Variants in TMEM39A observed in about 807,000 individuals in gnomAD.
TMEM39A encodes the protein transmembrane protein 39A.
A neutral mutation model predicts 51.9 loss-of-function variants in TMEM39A; 19 were observed. The ratio of observed to expected loss-of-function variants is 0.37; its 90% CI spans 0.26 to 0.54. TMEM39A has a LOEUF of 0.54. TMEM39A is among the 20% of genes least tolerant of loss of function. The pLI is 0.88. For missense variants in TMEM39A, 433 were observed against 590.5 expected (o/e 0.73, Z 2.76); for synonymous variants, 197 against 220.2 (o/e 0.89, Z 0.93).
At position 119,431,354 on chromosome 3, in the gene TMEM39A, A is replaced by C. The variant is rs1383375521; in HGVS notation, c.*627T>G. The C allele has an allele frequency of 6.6e-6, 1 of 152,222 alleles. No individual in the cohort carries two copies. The allele number at this position is 152,222 out of a possible 1,614,324, so 9.4% of individuals were successfully genotyped here. A position where few individuals can be genotyped will look rare whatever the true frequency, so the allele number is the denominator to read the frequency against. On this transcript the variant is annotated 3_prime_UTR_variant, in exon 9 of 9. Transcript: ENST00000319172. ...GGAAGCAGAAGTGGAAACACAGGAA[A>C]AGTGGCAGCAAAACCCTCAGCCTCA...
intron 4 of TMEM39A, among the ~76,000 whole-genome samples, chr3:119,449,332 G>T (rs1250561906): frequency 6.6e-6 from 1 of 152,182 alleles, no homozygotes; most frequent in Non-Finnish European, 1.5e-5. Flanking sequence ...CCAGCACTTT[G>T]GGAGGCAGAG....
At chr3:119,457,979 T>G in intron 3 of TMEM39A, 39 bp downstream of exon 3, 1 of 1,479,844 alleles carries the variant, frequency 6.8e-7, no homozygotes, top group Non-Finnish European at 9.4e-7. Context: ...GTTTCTTGGG[T>G]AAGTAACATG....
intron 5 of TMEM39A, among the ~76,000 whole-genome samples, chr3:119,445,241 A>AATTTT (rs1186460832): frequency 1.7e-4 from 26 of 152,154 alleles, no homozygotes; most frequent in South Asian, 2.1e-4. Context: ...AAGATTTGGG[A>AATTTT]ATTTTATTTT....
At position 119,438,088 on chromosome 3, in the gene TMEM39A, A is replaced by G; in HGVS notation, c.591T>C (p.Val197=). Residue 197 remains valine (V), a synonymous_variant, in exon 6 of 9, where the codon GTT becomes GTC. Transcript: ENST00000319172. The part of the protein sequence containing the change: ...LFLGYPFGVY[V]PLCCFHQDSR... ...TATCTTGATGAAAACAGCAAAGAGGAACATAAACACCAAACCTGTAAAACA... is the reference window on the plus strand; with the variant it reads ...TATCTTGATGAAAACAGCAAAGAGGGACATAAACACCAAACCTGTAAAACA... The G allele has an allele frequency of 6.3e-7, 1 of 1,588,652 alleles. No individual in the cohort carries two copies. Among genetic ancestry groups the G allele is most frequent in the South Asian group, 1.1e-5 (1 of 90,382 alleles).
chr3:119,460,903 T>C (rs2081327665), intron 2 of TMEM39A, among the ~76,000 whole-genome samples: 1 of 152,234 alleles, frequency 6.6e-6, no homozygotes, highest in Non-Finnish European at 1.5e-5. Context: ...CTATATTAGA[T>C]AGTACCTTTC....
At chr3:119,460,518 G>C (rs768562107) in intron 2 of TMEM39A, among the ~76,000 whole-genome samples, 4 of 152,066 alleles carry the variant, frequency 2.6e-5, no homozygotes, top group Non-Finnish European at 5.9e-5. Context: ...AGGAAAATGA[G>C]TCAGTCTAAT....
chr3:119,432,314 T>C, intron 8 of TMEM39A, 100 bp from the exon 9 acceptor site: 1 of 761,442 alleles, frequency 1.3e-6, no homozygotes. Flanking sequence ...CATTTACAGG[T>C]TCCCATATAT....
At chr3:119,446,024 C>G (rs535544055) in intron 5 of TMEM39A, among the ~76,000 whole-genome samples, 7 of 152,126 alleles carry the variant, frequency 4.6e-5, no homozygotes, top group Non-Finnish European at 8.8e-5. Flanking sequence ...ATGTTTTTTC[C>G]TATACTATAT....
At position 119,463,437 on chromosome 3, in the gene TMEM39A, C is replaced by G; in HGVS notation, c.-176G>C. The G allele has an allele frequency of 2.5e-6, 1 of 396,032 alleles. No homozygotes were observed. Among genetic ancestry groups the G allele is most frequent in the East Asian group, 3.6e-5 (1 of 27,972 alleles). 24.5% of individuals were successfully genotyped at this position (396,032 alleles called of 1,614,324 possible). On this transcript the variant is annotated 5_prime_UTR_variant, in exon 1 of 9. Transcript: ENST00000319172. ...GGAACTCCCTCCCAGCGTTGGAACG[C>G]TGCAAACCAGCTGCTTGGACGCAGG...
Position 119,463,502 on chromosome 3 carries a change from T to C in TMEM39A, c.-241A>G. The C allele has an allele frequency of 2.5e-6, 1 of 398,786 alleles. No homozygotes were observed. Among genetic ancestry groups the C allele is most frequent in the Non-Finnish European group, 4.4e-6 (1 of 226,208 alleles). 24.7% of individuals were successfully genotyped at this position (398,786 alleles called of 1,614,324 possible). On this transcript the variant is annotated 5_prime_UTR_variant, in exon 1 of 9. Coordinates refer to ENST00000319172, the MANE Select transcript of TMEM39A (RefSeq NM_018266.3). ...AGAATCAAGAAAAGGTGTCCAGGCT[T>C]CGGGCTGCCAGACTCAGACCCAGAC...
chr3:119,457,103 T>C (rs2081275773), intron 3 of TMEM39A, among the ~76,000 whole-genome samples: 1 of 151,986 alleles, frequency 6.6e-6, no homozygotes, highest in Non-Finnish European at 1.5e-5. Flanking sequence ...CCCAAGTAGC[T>C]GGGACTACAG....
At chr3:119,440,321 T>C (rs923236236) in intron 5 of TMEM39A, among the ~76,000 whole-genome samples, 9 of 152,352 alleles carry the variant, frequency 5.9e-5, no homozygotes, top group Middle Eastern at 3.4e-3. Flanking sequence ...TACTGGGCTC[T>C]ACAATGGAGG....
At chr3:119,451,684 G>T (rs545635513) in intron 4 of TMEM39A, among the ~76,000 whole-genome samples, 110 of 152,048 alleles carry the variant, frequency 7.2e-4, no homozygotes, top group African/African-American at 2.5e-3. Context: ...TACAAAATTA[G>T]CCAGGCGTGG....
At chr3:119,456,540 T>C (rs2107687695) in intron 3 of TMEM39A, among the ~76,000 whole-genome samples, 1 of 152,350 alleles carries the variant, frequency 6.6e-6, no homozygotes, top group Middle Eastern at 3.4e-3. Context: ...CTAATCTTTA[T>C]TAGTCCCAAA....
intron 7 of TMEM39A, 81 bp downstream of exon 7, chr3:119,436,710 C>T (rs1310663610): frequency 1.4e-6 from 2 of 1,421,706 alleles, no homozygotes; most frequent in Non-Finnish European, 1.9e-6. Context: ...AAGCCAAGAA[C>T]AAGAATGACA....
intron 5 of TMEM39A, among the ~76,000 whole-genome samples, chr3:119,439,800 C>T (rs992043705): frequency 6.6e-6 from 1 of 151,724 alleles, no homozygotes. Context: ...CAAGGTCTTA[C>T]TCTGTCACCC....
intron 2 of TMEM39A, 42 bp from the exon 3 acceptor site, chr3:119,458,282 C>T (rs1577066501): frequency 6.5e-7 from 1 of 1,546,322 alleles, no homozygotes; most frequent in East Asian, 2.2e-5. Context: ...GTGATAACCT[C>T]CAGTATCACA....
chr3:119,444,970 C>T (rs1325494572), intron 5 of TMEM39A, among the ~76,000 whole-genome samples: 1 of 152,060 alleles, frequency 6.6e-6, no homozygotes, highest in Non-Finnish European at 1.5e-5. Context: ...GTCCCAACTA[C>T]TTGGGAGGCT....
Position 119,463,523 on chromosome 3 carries a change from C to T in TMEM39A, c.-262G>A, listed in dbSNP as rs1442521253. The T allele has an allele frequency of 2.5e-6, 1 of 398,816 alleles. No homozygotes were observed. The highest frequency in any genetic ancestry group is 3.6e-5 in the East Asian group (1 of 28,096). The allele number at this position is 398,816 out of a possible 1,614,324, so 24.7% of individuals were successfully genotyped here. ...GGCTTCGGGCTGCCAGACTCAGACC[C>T]AGACTCCGACGCAGTTCCAGTGCCA... On this transcript the variant is annotated 5_prime_UTR_variant, in exon 1 of 9. Coordinates refer to ENST00000319172, the MANE Select transcript of TMEM39A (RefSeq NM_018266.3).
Sources: gnomAD v4.1 joint callset for allele counts (sites outside exome capture counted in the v4.1 genomes callset) on GRCh38, gnomAD v4.1.1 for gene constraint, MANE v1.5 for transcripts, NCBI Gene and HGNC (gene_info 2026-07-23, HGNC 2026-07-21) for gene names.